GNB4: variants seen among roughly 807,000 people sequenced by gnomAD.
GNB4 encodes the protein G protein subunit beta 4.
A neutral mutation model predicts 45.2 loss-of-function variants in GNB4; 28 were observed. That is an observed-to-expected ratio of 0.62 (90% confidence interval 0.46 to 0.85). GNB4 has a LOEUF of 0.85. Among genes scored for constraint, GNB4 ranks in the 40% least tolerant of loss-of-function variants. The pLI is 0.00. For missense variants in GNB4, 321 were observed against 425.4 expected (o/e 0.75, Z 2.16); for synonymous variants, 132 against 143.7 (o/e 0.92, Z 0.58).
chr3:179,413,418 A>G lies in GNB4; in HGVS notation c.693T>C (p.Ala231=). ...AGAAATGCTATTCACTTACACTGACAGCATTGATATCTGAGACATGTCCCG... is the reference window on the plus strand; with the variant it reads ...AGAAATGCTATTCACTTACACTGACGGCATTGATATCTGAGACATGTCCCG... The part of the protein sequence containing the change: ...SFTGHVSDIN[A]VSFFPNGYAF... Residue 231 remains alanine, a synonymous_variant, in exon 8 of 10, where the codon GCT becomes GCC. Transcript: ENST00000232564. 4 of 1,612,366 alleles carry G rather than the reference A, an allele frequency of 2.5e-6. No individual in the cohort carries two copies. Among genetic ancestry groups the G allele is most frequent in the Non-Finnish European group, 3.4e-6 (4 of 1,178,372 alleles).
the GNB4 span, among the ~76,000 whole-genome samples, chr3:179,472,301 A>C: frequency 6.6e-6 from 1 of 151,374 alleles, no homozygotes; most frequent in East Asian, 1.9e-4. Context: ...ATATTCACCA[A>C]ATTTTCTTAT....
chr3:179,493,428 T>C, the GNB4 span, among the ~76,000 whole-genome samples: 1 of 151,062 alleles, frequency 6.6e-6, no homozygotes. Flanking sequence ...AATACAATGA[T>C]TGAAATAAAA....
chr3:179,462,354 T>G, the GNB4 span, among the ~76,000 whole-genome samples: 1 of 152,204 alleles, frequency 6.6e-6, no homozygotes, highest in Non-Finnish European at 1.5e-5. Flanking sequence ...ATAACCCACT[T>G]TAGCTTGAAT....
chr3:179,425,270 C>G (rs1034422472), intron 2 of GNB4, among the ~76,000 whole-genome samples: 1 of 152,198 alleles, frequency 6.6e-6, no homozygotes, highest in Non-Finnish European at 1.5e-5. Context: ...GTGCTCCCCA[C>G]GCAGACGCCT....
chr3:179,468,118 A>G, the GNB4 span, among the ~76,000 whole-genome samples: 1 of 149,032 alleles, frequency 6.7e-6, no homozygotes, highest in African/African-American at 2.5e-5. Flanking sequence ...GGATTCCTTG[A>G]GTGCAGGAGT....
chr3:179,458,194 C>A, the GNB4 span, among the ~76,000 whole-genome samples: 3 of 152,206 alleles, frequency 2.0e-5, no homozygotes, highest in Non-Finnish European at 2.9e-5. Flanking sequence ...TGAGCCACCG[C>A]GCCCAGCCCA....
chr3:179,424,565 G>A (rs114311183), intron 2 of GNB4, among the ~76,000 whole-genome samples: 199 of 152,206 alleles, frequency 1.3e-3, no homozygotes, highest in African/African-American at 4.5e-3. Context: ...ATCCATCCCT[G>A]TTTTTACTAA....
the GNB4 span, among the ~76,000 whole-genome samples, chr3:179,523,781 T>G: frequency 6.7e-6 from 1 of 149,644 alleles, no homozygotes; most frequent in African/African-American, 2.5e-5. Flanking sequence ...TGGGTTAAGG[T>G]GGGGGGGATA....
rs1211786627 is a variant in GNB4, at chr3:179,399,545, C to A, written c.*1668G>T. On this transcript the variant is annotated 3_prime_UTR_variant, in exon 10 of 10. Coordinates refer to ENST00000232564, the MANE Select transcript of GNB4 (RefSeq NM_021629.4). ...CTTAATCAAAATATAAATATACATTCATAACTGCCATCTACAATATTCTGT... is the reference window on the plus strand; with the variant it reads ...CTTAATCAAAATATAAATATACATTAATAACTGCCATCTACAATATTCTGT... 6.6e-6 allele frequency: 1 copy of A among 152,140 alleles called. No individual in the cohort carries two copies. The highest frequency in any genetic ancestry group is 1.5e-5 in the Non-Finnish European group (1 of 68,024). The allele number at this position is 152,140 out of a possible 1,614,324, so 9.4% of individuals were successfully genotyped here.
chr3:179,404,199 G>T (rs1714394064), intron 9 of GNB4, among the ~76,000 whole-genome samples: 1 of 152,182 alleles, frequency 6.6e-6, no homozygotes, highest in African/African-American at 2.4e-5. Flanking sequence ...TGGCTCAGCA[G>T]CAAATGACTT....
intron 1 of GNB4, among the ~76,000 whole-genome samples, chr3:179,447,048 T>C (rs1457421401): frequency 6.6e-6 from 1 of 152,084 alleles, no homozygotes; most frequent in Non-Finnish European, 1.5e-5. Context: ...TAAGTACAGA[T>C]AAGTCGTATG....
the GNB4 span, among the ~76,000 whole-genome samples, chr3:179,471,720 T>C: frequency 6.6e-6 from 1 of 152,224 alleles, no homozygotes; most frequent in South Asian, 2.1e-4. Context: ...CACCCATAGT[T>C]GACTTTTTGA....
At chr3:179,456,825 T>TA in the GNB4 span, among the ~76,000 whole-genome samples, 1 of 152,226 alleles carries the variant, frequency 6.6e-6, no homozygotes, top group Non-Finnish European at 1.5e-5. Flanking sequence ...ATACAGTATG[T>TA]ACCTTTCGAG....
chr3:179,433,753 A>G (rs1427180220), intron 1 of GNB4, among the ~76,000 whole-genome samples: 1 of 152,190 alleles, frequency 6.6e-6, no homozygotes. Flanking sequence ...GTAAGCTAAA[A>G]TTCAAATAAT....
the GNB4 span, among the ~76,000 whole-genome samples, chr3:179,494,929 A>AAAGG: frequency 6.6e-6 from 1 of 150,452 alleles, no homozygotes; most frequent in Non-Finnish European, 1.5e-5. Context: ...AAAAAAAAAA[A>AAAGG]AAGGAAGGAA....
chr3:179,431,703 T>G (rs893786701), intron 1 of GNB4, among the ~76,000 whole-genome samples: 12 of 152,202 alleles, frequency 7.9e-5, no homozygotes, highest in Admixed American at 3.3e-4. Context: ...TAGATTATAT[T>G]CAGGTTCAAT....
At chr3:179,472,366 CTTTCTTT>C in the GNB4 span, among the ~76,000 whole-genome samples, 14 of 110,956 alleles carry the variant, frequency 1.3e-4, no homozygotes, top group African/African-American at 5.1e-4. Flanking sequence ...CCTTTTCTTT[CTTTCTTT>C]TTTTTTTTTT....
the GNB4 span, among the ~76,000 whole-genome samples, chr3:179,468,035 A>AAAAAAAAAAAAAAAATATATATATAT: frequency 8.9e-5 from 8 of 89,862 alleles, no homozygotes; most frequent in African/African-American, 3.2e-4. Flanking sequence ...TGTTGATAAA[A>AAAAAAAAAAAAAAAATATATATATAT]ATATATATAT....
chr3:179,438,192 T>G (rs1237560699), intron 1 of GNB4, among the ~76,000 whole-genome samples: 1 of 152,226 alleles, frequency 6.6e-6, no homozygotes, highest in Non-Finnish European at 1.5e-5. Context: ...CAACTCTGTG[T>G]AGTAACTCTT....
Sources: gnomAD v4.1 joint callset for allele counts (sites outside exome capture counted in the v4.1 genomes callset) on GRCh38, gnomAD v4.1.1 for gene constraint, MANE v1.5 for transcripts, NCBI Gene and HGNC (gene_info 2026-07-23, HGNC 2026-07-21) for gene names.